Variants in GCA observed in about 807,000 individuals in gnomAD.
GCA encodes the protein grancalcin, also known as grancalcin, EF-hand calcium-binding protein.
Under a neutral mutation model 32.6 loss-of-function variants are expected in GCA, and 30 were observed. That is an observed-to-expected ratio of 0.92 (90% CI 0.69 to 1.25). The LOEUF (loss-of-function observed/expected upper bound fraction) is 1.25. GCA is among the 50% of genes most tolerant of loss of function. The probability of loss-of-function intolerance (pLI) is 0.00; values close to 1 mark genes in which losing one functional copy is unlikely to be tolerated. For synonymous variants in GCA, 102 were observed against 84.6 expected (o/e 1.21, Z -1.13); for missense variants, 291 against 266.8 (o/e 1.09, Z -0.63).
upstream of GCA, among the ~76,000 whole-genome samples, chr2:162,343,907 G>A (rs1266433255): frequency 2.6e-5 from 4 of 152,198 alleles, no homozygotes; most frequent in Admixed American, 6.5e-5. Context: ...GGATTTAGAA[G>A]GAGAGCGCGC....
Position 162,360,169 on chromosome 2 carries a change from TAAA to T in GCA, c.628-45_628-43del, listed in dbSNP as rs778817079. 7.6e-6 allele frequency: 9 copies of T among 1,190,490 alleles called. No individual in the cohort carries two copies. In the South Asian group the frequency reaches 9.5e-5, roughly 13 times the overall value. The allele number at this position is 1,190,490 out of a possible 1,614,324, so 73.7% of individuals were successfully genotyped here. ...TGGAATATAATTAGTCAAAAATAAT[TAAA>T]AACCATTTTATTCTTAATAGATAAT... On this transcript the variant is annotated intron_variant, in intron 7 of 7. Coordinates refer to ENST00000437150, the MANE Select transcript of GCA (RefSeq NM_012198.5).
upstream of GCA, among the ~76,000 whole-genome samples, chr2:162,341,850 A>G (rs1013605802): frequency 5.3e-5 from 8 of 152,242 alleles, no homozygotes; most frequent in Non-Finnish European, 1.0e-4. Context: ...GTAGTGAAAT[A>G]CAATTATCCA....
intron 1 of GCA, among the ~76,000 whole-genome samples, chr2:162,338,675 A>T (rs1214053096): frequency 6.6e-6 from 1 of 152,188 alleles, no homozygotes; most frequent in Non-Finnish European, 1.5e-5. Flanking sequence ...ATTCATAAGC[A>T]CGCAACTTGG....
chr2:162,327,380 TAAAAAACAG>T (rs1173584090), intron 1 of GCA, among the ~76,000 whole-genome samples: 2 of 151,920 alleles, frequency 1.3e-5, no homozygotes, highest in Admixed American at 1.3e-4. Flanking sequence ...TCTCACTTGG[TAAAAAACAG>T]AAAAAACAGT....
chr2:162,334,778 C>T (rs1188912261), intron 1 of GCA, among the ~76,000 whole-genome samples: 5 of 141,952 alleles, frequency 3.5e-5, no homozygotes, highest in East Asian at 2.1e-4. Flanking sequence ...AGGAGGTACT[C>T]GATGCATATT....
chr2:162,329,034 GTGTATTCTTCTGCTGATGT>G (rs1683985487), intron 1 of GCA, among the ~76,000 whole-genome samples: 1 of 152,066 alleles, frequency 6.6e-6, no homozygotes, highest in Non-Finnish European at 1.5e-5. Context: ...CCAGCCGCCT[GTGTATTCTTCTGCTGATGT>G]TCTCCTCTTG....
chr2:162,343,940 G>C (rs1368434557), upstream of GCA: 5 of 383,158 alleles, frequency 1.3e-5, no homozygotes, highest in East Asian at 1.6e-4. Context: ...GAGCCAGTAA[G>C]AGTCGAGCAG....
intron 2 of GCA, among the ~76,000 whole-genome samples, chr2:162,349,069 A>G (rs1684856727): frequency 6.8e-6 from 1 of 147,136 alleles, no homozygotes. Context: ...ATATTAAATT[A>G]TAATATATCA....
chr2:162,358,800 A>C (rs1685412710), intron 5 of GCA, among the ~76,000 whole-genome samples: 1 of 151,412 alleles, frequency 6.6e-6, no homozygotes, highest in Admixed American at 6.6e-5. Flanking sequence ...TCATAAGAAG[A>C]GAATTATTTT....
chr2:162,356,740 T>C lies in GCA; in HGVS notation c.307-18T>C. ...AAACTCAGGTATCAGAATTTATTTT[T>C]GTTAATAAAACTATCAGAGAGATCA... On this transcript the variant is annotated intron_variant, in intron 4 of 7. Coordinates refer to ENST00000437150, the MANE Select transcript of GCA (RefSeq NM_012198.5). 1 of 1,573,994 alleles carries C rather than the reference T, an allele frequency of 6.4e-7. No individual in the cohort carries two copies. The highest frequency in any genetic ancestry group is 1.1e-5 in the South Asian group (1 of 89,594).
intron 4 of GCA, among the ~76,000 whole-genome samples, chr2:162,368,349 G>A (rs1558909629): frequency 6.6e-6 from 1 of 151,620 alleles, no homozygotes; most frequent in Non-Finnish European, 1.5e-5. Context: ...TCTATTTTTG[G>A]TTTTAGCCAT....
At chr2:162,373,629 G>C, downstream of GCA, 2 of 1,548,180 alleles carry the variant, frequency 1.3e-6, no homozygotes, top group East Asian at 4.9e-5. Flanking sequence ...ACTGTAAGAT[G>C]GTCTGGATGT....
In GCA at chr2:162,335,639, G is replaced by A. The variant is rs533198235; in HGVS notation, c.-30-11939G>A. ...TAGCCCAGGACTTTGAATTACATGA[G>A]CCAATAAATTCTCTTGTTTAGATAT... On this transcript the variant is annotated intron_variant, in intron 1 of 4. Transcript: ENST00000429691. Among the ~76,000 whole-genome samples, 98 of 152,222 alleles carry A rather than the reference G, an allele frequency of 6.4e-4. No individual in the cohort carries two copies. In the South Asian group the frequency reaches 9.5e-3, roughly 15 times the overall value.
downstream of GCA, among the ~76,000 whole-genome samples, chr2:162,365,240 T>G (rs1477427017): frequency 6.6e-6 from 1 of 151,564 alleles, no homozygotes; most frequent in African/African-American, 2.4e-5. Context: ...GCTTCATTCT[T>G]AAATTATGTA....
At chr2:162,349,744 A>G (rs778850320) in intron 2 of GCA, among the ~76,000 whole-genome samples, 7 of 152,140 alleles carry the variant, frequency 4.6e-5, no homozygotes, top group Non-Finnish European at 8.8e-5. Flanking sequence ...CGATGATAAA[A>G]CAGATTAGGA....
At chr2:162,373,724 T>TA, downstream of GCA, 1 of 1,239,078 alleles carries the variant, frequency 8.1e-7, no homozygotes, top group Non-Finnish European at 1.1e-6. Context: ...CAGGAGCATT[T>TA]AAAAAAATTT....
chr2:162,355,793 T>C (rs1215426995), intron 3 of GCA, among the ~76,000 whole-genome samples: 5 of 151,850 alleles, frequency 3.3e-5, no homozygotes, highest in African/African-American at 1.2e-4. Context: ...AGATGCTCAT[T>C]TTTTCTTACT....
chr2:162,358,224 G>A (rs1256286876), intron 5 of GCA, among the ~76,000 whole-genome samples: 1 of 151,418 alleles, frequency 6.6e-6, no homozygotes, highest in Admixed American at 6.6e-5. Flanking sequence ...CTCATTAAAT[G>A]CATAGGACCA....
intron 3 of GCA, 76 bp downstream of exon 3, chr2:162,352,483 A>C (rs1471863277): frequency 1.1e-6 from 1 of 886,664 alleles, no homozygotes; most frequent in Non-Finnish European, 1.9e-6. Context: ...CCTGTAATTA[A>C]AATGTTTAAA....
Sources: allele counts gnomAD v4.1 joint callset (sites outside exome capture counted in the v4.1 genomes callset), GRCh38; gene constraint gnomAD v4.1.1; transcripts MANE v1.5; gene names NCBI Gene and HGNC (gene_info 2026-07-23, HGNC 2026-07-21).